Variants in LRP2 observed in about 807,000 individuals in gnomAD.
LRP2 encodes the protein low-density lipoprotein receptor-related protein 2.
Under a neutral mutation model 531.0 loss-of-function variants are expected in LRP2, and 172 were observed. The ratio of observed to expected loss-of-function variants is 0.32; its 90% CI spans 0.29 to 0.37. The LOEUF is 0.37. LRP2 is among the 10% of genes least tolerant of loss of function. LRP2 has a pLI of 1.00. For missense variants in LRP2, 5,167 were observed against 5,868.3 expected (o/e 0.88, Z 3.90); for synonymous variants, 1,992 against 2,027.6 (o/e 0.98, Z 0.47).
intron 42 of LRP2, 111 bp downstream of exon 42, chr2:169,203,871 G>A: frequency 2.6e-6 from 3 of 1,153,016 alleles, no homozygotes; most frequent in Non-Finnish European, 2.6e-6. Context: ...AAATTACCCT[G>A]ACATCAAGGA....
intron 1 of LRP2, among the ~76,000 whole-genome samples, chr2:169,328,353 A>G (rs1456342090): frequency 1.4e-3 from 159 of 116,580 alleles, no homozygotes; most frequent in East Asian, 1.9e-3. Flanking sequence ...CTGCCCGGCC[A>G]CCCCTACTAG....
chr2:169,297,972 AACACACACACAC>A (rs10548576), intron 4 of LRP2, among the ~76,000 whole-genome samples: 1 of 150,050 alleles, frequency 6.7e-6, no homozygotes, highest in African/African-American at 2.4e-5. Context: ...AAGATTGGGA[AACACACACACAC>A]ACACACACAC....
rs763193234 is a variant in LRP2, at chr2:169,181,595, C to A, written c.10022G>T (p.Gly3341Val). ...TACTCTCCCAATGTATGCGCGGTGA[C>A]CCCAGTCTGCCCAGTAGAGGTACCT... ...QYGYLYWADWGHRAYIGRVGM... is the reference protein window; with the variant it reads ...QYGYLYWADWVHRAYIGRVGM... Residue 3341 changes from glycine to valine, a missense_variant, in exon 52 of 79, where the codon GGT becomes GTT. By Grantham distance (109) the Gly-to-Val change is moderately radical. Around this residue, in one of 6 missense-constraint regions of LRP2, gnomAD observed 1,129 missense variants for 1,362.7 expected, o/e 0.83. Coordinates refer to ENST00000649046, the MANE Select transcript of LRP2 (RefSeq NM_004525.3). The A allele has an allele frequency of 1.2e-6, 2 of 1,613,970 alleles. No homozygotes were observed. The highest frequency in any genetic ancestry group is 1.7e-6 in the Non-Finnish European group (2 of 1,180,004).
chr2:169,259,725 C>T (rs1042819133), intron 16 of LRP2, among the ~76,000 whole-genome samples: 5 of 129,406 alleles, frequency 3.9e-5, no homozygotes, highest in Non-Finnish European at 6.5e-5. Context: ...GAAATCAGAA[C>T]TGATTAAAAA....
Position 169,231,784 on chromosome 2 carries a change from C to G in LRP2, c.5157G>C (p.Gly1719=). The change falls in exon 31 of 79, where the codon GGG becomes GGC. Residue 1719 remains glycine, a synonymous_variant. Transcript: ENST00000649046. ...GACAAACACAGGAGTAAAAATGAGG[C>G]CCCTGTGAGGAAAGCAGGCAGAGAT... ...CSHLCLLSSQ[G]PHFYSCVCPS... 1 of 1,614,068 alleles carries G rather than the reference C, an allele frequency of 6.2e-7. No homozygotes were observed. Among genetic ancestry groups the G allele is most frequent in the Non-Finnish European group, 8.5e-7 (1 of 1,179,986 alleles).
rs770148290 is a variant in LRP2 at position 169,362,412 on chromosome 2, C to G, written c.-13G>C. 2 of 1,550,860 alleles carry G rather than the reference C, an allele frequency of 1.3e-6. No homozygotes were observed. The highest frequency in any genetic ancestry group is 1.7e-6 in the Non-Finnish European group (2 of 1,150,028). ...GCCCGCGATCCATCTCCGCGACGGT[C>G]CCCGGCCTCGCCGTTCCTTCCCCGG... On this transcript the variant is annotated 5_prime_UTR_variant, in exon 1 of 79. Coordinates refer to ENST00000649046, the MANE Select transcript of LRP2 (RefSeq NM_004525.3).
chr2:169,358,471 C>A (rs960678217), intron 1 of LRP2, among the ~76,000 whole-genome samples: 5 of 152,076 alleles, frequency 3.3e-5, no homozygotes, highest in African/African-American at 9.7e-5. Flanking sequence ...AGGCAGAAGT[C>A]TTATGAAGAC....
intron 34 of LRP2, 143 bp from the exon 35 acceptor site, chr2:169,216,573 A>C: frequency 1.3e-6 from 1 of 765,568 alleles, no homozygotes; most frequent in Non-Finnish European, 2.2e-6. Context: ...CGTTGCATAC[A>C]ACGTGGAGGG....
At chr2:169,313,585 G>A (rs1684676871) in intron 3 of LRP2, among the ~76,000 whole-genome samples, 1 of 152,150 alleles carries the variant, frequency 6.6e-6, no homozygotes, top group Non-Finnish European at 1.5e-5. Context: ...TCGTCTCAGA[G>A]GGGCACCTGG....
intron 63 of LRP2, among the ~76,000 whole-genome samples, chr2:169,160,682 T>TAAAAAAAAAAAA (rs781574242): frequency 2.5e-3 from 133 of 52,754 alleles, no homozygotes; most frequent in African/African-American, 0.012. Flanking sequence ...CTTATTTCCT[T>TAAAAAAAAAAAA]AAAAAAAAAA....
Position 169,307,347 on chromosome 2 carries a change from T to A in LRP2, c.361A>T (p.Ile121Phe). 6.2e-7 allele frequency: 1 copy of A among 1,614,118 alleles called. No homozygotes were observed. Among genetic ancestry groups the A allele is most frequent in the Admixed American group, 1.7e-5 (1 of 60,026 alleles). ...TGGTCGCACCTGTATTCACTTGGGA[T>A]ACACTGACCATTGGAGCATGTTATC... Reference protein sequence around the residue: ...HQITCSNGQCIPSEYRCDHVR... With the variant: ...HQITCSNGQCFPSEYRCDHVR... The change falls in exon 4 of 79, where the codon ATC becomes TTC. Residue 121 changes from isoleucine to phenylalanine, a missense_variant. By Grantham distance (21) the Ile-to-Phe change is conservative. This residue lies in a region of LRP2 where 2,811 missense variants were observed against 3,058.0 expected (regional missense o/e 0.92). Transcript: ENST00000649046.
Position 169,185,864 on chromosome 2 carries a change from C to G in LRP2, c.9484G>C (p.Val3162Leu). The change falls in exon 50 of 79, where the codon GTC becomes CTC. Residue 3162 changes from valine to leucine, a missense_variant. Physicochemically the swap from Val to Leu is conservative, Grantham distance 32 (BLOSUM62 1). This residue lies in a region of LRP2 where 1,129 missense variants were observed against 1,362.7 expected (regional missense o/e 0.83). Coordinates refer to ENST00000649046, the MANE Select transcript of LRP2 (RefSeq NM_004525.3). ...ACATTCTCACACTTCTGGCTACAGA[C>G]AAAAGGCATCTCTGTGCATTCATCA... The part of the protein sequence containing the change: ...DIDECTEMPF[V>L]CSQKCENVIG... 6.2e-7 allele frequency: 1 copy of G among 1,614,018 alleles called. No homozygotes were observed. Among genetic ancestry groups the G allele is most frequent in the Non-Finnish European group, 8.5e-7 (1 of 1,179,986 alleles).
chr2:169,300,000 C>T (rs1684246319), intron 4 of LRP2, among the ~76,000 whole-genome samples: 1 of 152,112 alleles, frequency 6.6e-6, no homozygotes, highest in South Asian at 2.1e-4. Flanking sequence ...AATTAGAATT[C>T]TCTTGTGCTC....
At position 169,358,815 on chromosome 2, in the gene LRP2, A is replaced by G. The variant is rs986754314; in HGVS notation, c.79+3506T>C. Among the ~76,000 whole-genome samples the G allele has an allele frequency of 4.6e-5, 7 of 151,804 alleles. No individual in the cohort carries two copies. The South Asian group carries it at 8.3e-4, about 18-fold the overall frequency. On this transcript the variant is annotated intron_variant, in intron 1 of 78. Transcript: ENST00000649046. ...CAAGACCAGCCTGGGCAACACAGTG[A>G]GACCCCATTTCTATTTTTGAAAAAT...
intron 12 of LRP2, among the ~76,000 whole-genome samples, chr2:169,278,370 G>A (rs181722892): frequency 1.3e-5 from 2 of 152,046 alleles, no homozygotes; most frequent in African/African-American, 4.8e-5. Flanking sequence ...CATAGTCTCA[G>A]CTACTCAGGA....
chr2:169,315,194 T>C (rs1684726210), intron 3 of LRP2, among the ~76,000 whole-genome samples: 1 of 152,254 alleles, frequency 6.6e-6, no homozygotes, highest in Admixed American at 6.5e-5. Flanking sequence ...GTTGAGGGCC[T>C]ATAATGTACC....
At chr2:169,197,216 A>G (rs72876206) in intron 45 of LRP2, among the ~76,000 whole-genome samples, 186 bp from the exon 46 acceptor site, 396 of 152,244 alleles carry the variant, frequency 2.6e-3, no homozygotes, top group Middle Eastern at 6.8e-3. Flanking sequence ...AAGGAAGTCA[A>G]TCCTGCCCCA....
At chr2:169,316,013 GC>G (rs1187074164) in intron 3 of LRP2, among the ~76,000 whole-genome samples, 1 of 148,978 alleles carries the variant, frequency 6.7e-6, no homozygotes, top group Non-Finnish European at 1.5e-5. Context: ...GGTGCCATGC[GC>G]CCGTAGTCCC....
chr2:169,354,757 A>G (rs1685944986), intron 1 of LRP2, among the ~76,000 whole-genome samples: 1 of 152,240 alleles, frequency 6.6e-6, no homozygotes, highest in African/African-American at 2.4e-5. Flanking sequence ...GCATTTCTGA[A>G]TTAATCCAAT....
Sources: gnomAD v4.1 joint callset for allele counts (sites outside exome capture counted in the v4.1 genomes callset) on GRCh38, gnomAD v4.1.1 for gene constraint, gnomAD v4.1.1 regional missense constraint, MANE v1.5 for transcripts, NCBI Gene and HGNC (gene_info 2026-07-23, HGNC 2026-07-21) for gene names.